Variants in TENM2 observed in about 807,000 individuals in gnomAD.
The protein encoded by TENM2 is teneurin transmembrane protein 2.
In TENM2, 52 loss-of-function variants were observed where a neutral mutation model predicts 245.2. The ratio of observed to expected loss-of-function variants is 0.21; its 90% confidence interval spans 0.17 to 0.27. The LOEUF (loss-of-function observed/expected upper bound fraction) is 0.27. Ranked by LOEUF, TENM2 falls within the 10% of genes least tolerant of loss-of-function variation. The probability of loss-of-function intolerance (pLI) is 1.00; values close to 1 mark genes in which losing one functional copy is unlikely to be tolerated. For synonymous variants in TENM2, 1,363 were observed against 1,438.9 expected (o/e 0.95, Z 1.19); for missense variants, 3,046 against 3,666.8 (o/e 0.83, Z 4.37).
intron 2 of TENM2, among the ~76,000 whole-genome samples, chr5:167,516,862 G>A (rs936568658): frequency 1.3e-5 from 2 of 152,158 alleles, no homozygotes; most frequent in Non-Finnish European, 2.9e-5. Context: ...CTTTACAATG[G>A]CCACGAGGCA....
chr5:167,098,155 T>G, the TENM2 span, among the ~76,000 whole-genome samples: 1 of 152,206 alleles, frequency 6.6e-6, no homozygotes, highest in Non-Finnish European at 1.5e-5. Context: ...TTTGCTCCAG[T>G]GCATTATTTT....
At chr5:168,026,937 A>C (rs1371159763) in intron 5 of TENM2, among the ~76,000 whole-genome samples, 1 of 152,212 alleles carries the variant, frequency 6.6e-6, no homozygotes, top group Non-Finnish European at 1.5e-5. Flanking sequence ...CAACCATTCC[A>C]GGGTCTATCA....
chr5:168,060,137 C>T (rs1261467889), intron 6 of TENM2, among the ~76,000 whole-genome samples: 1 of 151,176 alleles, frequency 6.6e-6, no homozygotes. Context: ...GAGGTAATCC[C>T]AGCATTTTGG....
intron 2 of TENM2, among the ~76,000 whole-genome samples, chr5:167,861,854 A>C (rs1771843942): frequency 6.6e-6 from 1 of 152,214 alleles, no homozygotes; most frequent in Admixed American, 6.5e-5. Context: ...TATTTGAAAC[A>C]GGGCTTACTC....
intron 2 of TENM2, among the ~76,000 whole-genome samples, chr5:167,732,492 A>G (rs1242570379): frequency 6.6e-6 from 1 of 152,190 alleles, no homozygotes; most frequent in East Asian, 1.9e-4. Context: ...AAGAAAACTT[A>G]AAAGATGATA....
rs549572707 is a variant in TENM2 at position 168,151,244 on chromosome 5, C to T, written c.2423-11367C>T. Reference sequence around the variant, plus strand: ...ATGCATTATGTGCAGATCTTACTCACGTAACTCTCAGGAAATTACCTCATT... The same window carrying T: ...ATGCATTATGTGCAGATCTTACTCATGTAACTCTCAGGAAATTACCTCATT... On this transcript the variant is annotated intron_variant, in intron 12 of 28. Transcript: ENST00000518659. Among the ~76,000 whole-genome samples the T allele has an allele frequency of 5.9e-5, 9 of 152,316 alleles. No homozygotes were observed. The South Asian group carries it at 1.2e-3, about 21-fold the overall frequency.
At chr5:167,595,674 T>A (rs1383010926) in intron 2 of TENM2, among the ~76,000 whole-genome samples, 5 of 152,232 alleles carry the variant, frequency 3.3e-5, no homozygotes, top group Non-Finnish European at 5.9e-5. Flanking sequence ...CTTATTTGTG[T>A]CTGAGGAAGG....
chr5:167,747,898 A>G (rs567266929), intron 2 of TENM2, among the ~76,000 whole-genome samples: 2 of 151,624 alleles, frequency 1.3e-5, no homozygotes, highest in Non-Finnish European at 2.9e-5. Flanking sequence ...CTCTCTCTCT[A>G]TTTTCTCAAT....
chr5:167,036,698 A>G, the TENM2 span, among the ~76,000 whole-genome samples: 4 of 152,152 alleles, frequency 2.6e-5, no homozygotes, highest in Non-Finnish European at 5.9e-5. Context: ...AGAAGAACCA[A>G]ATGACGTTGG....
intron 3 of TENM2, among the ~76,000 whole-genome samples, chr5:167,903,234 A>AC (rs1775846312): frequency 1.3e-5 from 2 of 152,172 alleles, no homozygotes; most frequent in Non-Finnish European, 2.9e-5. Flanking sequence ...TTGTACACCT[A>AC]CCCCAAGCCA....
At chr5:167,413,562 G>A (rs1763016317) in intron 2 of TENM2, among the ~76,000 whole-genome samples, 1 of 152,066 alleles carries the variant, frequency 6.6e-6, no homozygotes, top group Non-Finnish European at 1.5e-5. Flanking sequence ...ACATACCTGA[G>A]GTATTTATCC....
chr5:167,330,685 A>G (rs2127789589), intron 1 of TENM2, among the ~76,000 whole-genome samples: 1 of 152,284 alleles, frequency 6.6e-6, no homozygotes, highest in East Asian at 1.9e-4. Context: ...TTTAGATTAG[A>G]TGCTCCAAAT....
At chr5:168,223,532 A>C (rs1281982405) in intron 23 of TENM2, among the ~76,000 whole-genome samples, 1 of 150,744 alleles carries the variant, frequency 6.6e-6, no homozygotes, top group Non-Finnish European at 1.5e-5. Context: ...CAGTGGCACA[A>C]TCTCAGCTCA....
rs370006132 is a variant in TENM2, at chr5:168,152,851, C to T, written c.2423-9760C>T. ...AAGTTGAAAGGCACAAACCCACATCCGCATTCATACACAGCCCCTGTCATC... is the reference window on the plus strand; with the variant it reads ...AAGTTGAAAGGCACAAACCCACATCTGCATTCATACACAGCCCCTGTCATC... On this transcript the variant is annotated intron_variant, in intron 12 of 28. Transcript: ENST00000518659. 6.0e-4 allele frequency among the ~76,000 whole-genome samples: 91 copies of T among 152,278 alleles called. 5 individuals are homozygous for T. The South Asian group carries it at 0.018, about 30-fold the overall frequency.
chr5:166,987,571 T>C, the TENM2 span, among the ~76,000 whole-genome samples: 77,237 of 151,734 alleles, frequency 0.51, 23,065 homozygotes, highest in Non-Finnish European at 0.7. Context: ...ACAGACATGA[T>C]TAAGTAAAGG....
chr5:168,218,112 A>G lies in TENM2; in HGVS notation c.4234-13A>G. ...AAAGGCTGTTCTTTAATCTGATACC[A>G]CGTCATCCACAGGTTCGTCTGGAGT... On this transcript the variant is annotated splice_polypyrimidine_tract_variant and intron_variant, in intron 22 of 28. Transcript: ENST00000518659. The surrounding 1 kb of genome is among the most constrained non-coding windows in gnomAD (Gnocchi z 5.2). 1 of 1,607,462 alleles carries G rather than the reference A, an allele frequency of 6.2e-7. No individual in the cohort carries two copies. The highest frequency in any genetic ancestry group is 8.5e-7 in the Non-Finnish European group (1 of 1,175,038).
intron 2 of TENM2, among the ~76,000 whole-genome samples, chr5:167,415,198 G>A (rs1388671371): frequency 6.6e-6 from 1 of 152,042 alleles, no homozygotes; most frequent in African/African-American, 2.4e-5. Flanking sequence ...TCAACTGTAG[G>A]ATAGGTAAGT....
the TENM2 span, among the ~76,000 whole-genome samples, chr5:167,246,346 A>C: frequency 6.6e-6 from 1 of 152,170 alleles, no homozygotes; most frequent in Non-Finnish European, 1.5e-5. Flanking sequence ...CATATACATA[A>C]AATGGCCACA....
At chr5:167,264,796 G>A in the TENM2 span, among the ~76,000 whole-genome samples, 1 of 151,884 alleles carries the variant, frequency 6.6e-6, no homozygotes, top group Non-Finnish European at 1.5e-5. Context: ...ACACACTTCG[G>A]GCATTTAATG....
Sources: allele counts gnomAD v4.1 joint callset (sites outside exome capture counted in the v4.1 genomes callset), GRCh38; gene constraint gnomAD v4.1.1; non-coding constraint Gnocchi (gnomAD v3.1); transcripts MANE v1.5; gene names NCBI Gene and HGNC (gene_info 2026-07-23, HGNC 2026-07-21).